The following HS3ST4 variants were observed in gnomAD, a reference collection of about 807,000 sequenced individuals.
HS3ST4 encodes heparan sulfate glucosamine 3-O-sulfotransferase 4.
In HS3ST4, 17 loss-of-function variants were observed where a neutral mutation model predicts 29.2. The observed-to-expected ratio is 0.58, with a 90% CI of 0.40 to 0.87. The LOEUF is 0.87. Among genes scored for constraint, HS3ST4 ranks in the 40% least tolerant of loss-of-function variants. HS3ST4 has a pLI of 0.00. For missense variants in HS3ST4, 627 were observed against 634.5 expected (o/e 0.99, Z 0.13); for synonymous variants, 314 against 285.7 (o/e 1.10, Z -1.00).
At chr16:26,045,707 A>G (rs928496518) in intron 1 of HS3ST4, among the ~76,000 whole-genome samples, 11 of 152,204 alleles carry the variant, frequency 7.2e-5, no homozygotes, top group Middle Eastern at 3.4e-3. Context: ...TAGAACAACT[A>G]TTGTTCACGA....
chr16:26,118,952 T>C (rs1899235592), intron 1 of HS3ST4, among the ~76,000 whole-genome samples: 1 of 152,228 alleles, frequency 6.6e-6, no homozygotes, highest in Non-Finnish European at 1.5e-5. Context: ...ATAGCAACAA[T>C]AACAACAACT....
chr16:25,884,165 A>G (rs7193971), intron 1 of HS3ST4, among the ~76,000 whole-genome samples: 5,995 of 152,232 alleles, frequency 0.039, 177 homozygotes, highest in Non-Finnish European at 0.059. Flanking sequence ...TCTCTAAATC[A>G]CGGAAAAAGA....
chr16:26,060,076 C>T (rs1279762446), intron 1 of HS3ST4, among the ~76,000 whole-genome samples: 1 of 152,174 alleles, frequency 6.6e-6, no homozygotes, highest in Non-Finnish European at 1.5e-5. Flanking sequence ...CTGCGCCCAG[C>T]CTATTACTAT....
At chr16:26,028,868 G>A (rs1358030768) in intron 1 of HS3ST4, 2 of 152,318 alleles carry the variant, frequency 1.3e-5, no homozygotes, top group Non-Finnish European at 2.9e-5. Flanking sequence ...CTGACCTACA[G>A]GCAGGAGGCA....
intron 1 of HS3ST4, among the ~76,000 whole-genome samples, chr16:26,086,321 G>C (rs771286484): frequency 6.6e-6 from 1 of 151,882 alleles, no homozygotes; most frequent in Non-Finnish European, 1.5e-5. Context: ...TGAAGGTGAA[G>C]ATTTTTGTTT....
chr16:26,048,367 C>T (rs906262403), intron 1 of HS3ST4, among the ~76,000 whole-genome samples: 1 of 152,160 alleles, frequency 6.6e-6, no homozygotes, highest in Non-Finnish European at 1.5e-5. Context: ...AGATTGTCGA[C>T]CATATAGCAC....
At chr16:25,918,255 A>G (rs1376934290) in intron 1 of HS3ST4, among the ~76,000 whole-genome samples, 4 of 152,196 alleles carry the variant, frequency 2.6e-5, no homozygotes. Context: ...TGCACAAGGA[A>G]GGGCACGTCT....
chr16:25,874,868 T>C (rs1438347150), intron 1 of HS3ST4, among the ~76,000 whole-genome samples: 1 of 152,172 alleles, frequency 6.6e-6, no homozygotes, highest in Non-Finnish European at 1.5e-5. Context: ...ATACTAGCTG[T>C]GTGGCCTTGT....
chr16:26,061,909 T>G (rs945133667), intron 1 of HS3ST4, among the ~76,000 whole-genome samples: 2 of 152,230 alleles, frequency 1.3e-5, no homozygotes, highest in African/African-American at 4.8e-5. Flanking sequence ...ATTTTTGTTT[T>G]TATTTTCTCC....
intron 1 of HS3ST4, among the ~76,000 whole-genome samples, chr16:25,984,778 A>G (rs925959613): frequency 7.9e-5 from 12 of 152,192 alleles, no homozygotes; most frequent in African/African-American, 2.2e-4. Context: ...TCCATTGTGT[A>G]TATACACCAC....
intron 1 of HS3ST4, among the ~76,000 whole-genome samples, chr16:25,713,885 C>T (rs1035745480): frequency 1.1e-4 from 17 of 152,176 alleles, no homozygotes; most frequent in African/African-American, 3.9e-4. Flanking sequence ...CTTGGCCCTG[C>T]CTGTTGCTTG....
At chr16:25,812,000 CT>C (rs1308798523) in intron 1 of HS3ST4, among the ~76,000 whole-genome samples, 1 of 152,074 alleles carries the variant, frequency 6.6e-6, no homozygotes, top group Admixed American at 6.6e-5. Flanking sequence ...TGATTTTGTT[CT>C]TTTTTTAGTG....
At chr16:26,008,089 C>T (rs1969274558) in intron 1 of HS3ST4, among the ~76,000 whole-genome samples, 1 of 152,132 alleles carries the variant, frequency 6.6e-6, no homozygotes, top group Non-Finnish European at 1.5e-5. Flanking sequence ...AGACATCAGG[C>T]AGATTAACAA....
rs533546276 is a variant in HS3ST4 at position 25,692,305 on chromosome 16, A to AGCG, written c.-81_-79dup. On this transcript the variant is annotated 5_prime_UTR_variant, in exon 1 of 2. Coordinates refer to ENST00000331351, the MANE Select transcript of HS3ST4 (RefSeq NM_006040.3). ...CTTCATGCAGCCGGGGCGGCTGGGC[A>AGCG]GCGGCGGCGGCGGCGGCGGCGGCGG... The AGCG allele has an allele frequency of 1.1e-3, 160 of 146,478 alleles. No individual in the cohort carries two copies. Among genetic ancestry groups the AGCG allele is most frequent in the East Asian group, 5.1e-3 (22 of 4,282 alleles). The allele number at this position is 146,478 out of a possible 1,614,324, so 9.1% of individuals were successfully genotyped here.
In HS3ST4 at chr16:25,708,085, C is replaced by T. The variant is rs529582511; in HGVS notation, c.734+14934C>T. ...TGGAGAGAGGATCTAGTCATTGATCCGGTACCACAAAATGACCTTAATGTT... is the reference window on the plus strand; with the variant it reads ...TGGAGAGAGGATCTAGTCATTGATCTGGTACCACAAAATGACCTTAATGTT... On this transcript the variant is annotated intron_variant, in intron 1 of 1. Coordinates refer to ENST00000331351, the MANE Select transcript of HS3ST4 (RefSeq NM_006040.3). Among the ~76,000 whole-genome samples, 26 of 152,224 alleles carry T rather than the reference C, an allele frequency of 1.7e-4. No individual in the cohort carries two copies. In the South Asian group the frequency reaches 3.7e-3, roughly 22 times the overall value.
intron 1 of HS3ST4, among the ~76,000 whole-genome samples, chr16:25,799,039 G>C (rs1024790515): frequency 6.6e-6 from 1 of 152,204 alleles, no homozygotes; most frequent in African/African-American, 2.4e-5. Context: ...AGCAAGAATG[G>C]CTGTGCTACT....
intron 1 of HS3ST4, among the ~76,000 whole-genome samples, chr16:26,120,087 GTGTGTA>G (rs1899255461): frequency 6.8e-5 from 9 of 132,104 alleles, no homozygotes; most frequent in South Asian, 5.2e-4. Context: ...GTGTGTGTGT[GTGTGTA>G]TATGTGTGTG....
intron 1 of HS3ST4, among the ~76,000 whole-genome samples, chr16:25,717,510 G>GGTGT (rs763190199): frequency 0.042 from 5,535 of 132,836 alleles, 136 homozygotes; most frequent in East Asian, 0.083. Context: ...AAGGTGAAGG[G>GGTGT]GTGTGTGTGT....
chr16:25,763,337 G>T (rs1966800139), intron 1 of HS3ST4, among the ~76,000 whole-genome samples: 2 of 152,168 alleles, frequency 1.3e-5, no homozygotes, highest in Admixed American at 1.3e-4. Flanking sequence ...AGAAGGAAAT[G>T]CCACCTGATG....
Sources: gnomAD v4.1 joint callset for allele counts (sites outside exome capture counted in the v4.1 genomes callset) on GRCh38, gnomAD v4.1.1 for gene constraint, MANE v1.5 for transcripts, NCBI Gene and HGNC (gene_info 2026-07-23, HGNC 2026-07-21) for gene names.